Variants in GABBR2 observed in about 807,000 individuals in gnomAD.
GABBR2 encodes gamma-aminobutyric acid type B receptor subunit 2, also known as G-protein coupled receptor 51.
Under a neutral mutation model 105.6 loss-of-function variants are expected in GABBR2, and 23 were observed. That is an observed-to-expected ratio of 0.22 (90% CI 0.16 to 0.31). GABBR2 has a LOEUF of 0.31. Among genes scored for constraint, GABBR2 ranks in the 10% least tolerant of loss-of-function variants. The pLI is 1.00. For synonymous variants in GABBR2, 478 were observed against 499.7 expected, an observed-to-expected ratio of 0.96 and a Z score of 0.58; for missense variants, 734 against 1,245.5, an observed-to-expected ratio of 0.59 and a Z score of 6.18.
At chr9:98,488,660 A>G (rs979043566) in intron 4 of GABBR2, among the ~76,000 whole-genome samples, 1 of 151,932 alleles carries the variant, frequency 6.6e-6, no homozygotes, top group Non-Finnish European at 1.5e-5. Context: ...TCCTCCACTT[A>G]AGGCAAGTAA....
At chr9:98,616,746 C>T (rs1214698700) in intron 1 of GABBR2, among the ~76,000 whole-genome samples, 7 of 79,544 alleles carry the variant, frequency 8.8e-5, no homozygotes, top group Admixed American at 3.3e-4. Flanking sequence ...AGTGAGACTC[C>T]GTCTCAAAAA....
At chr9:98,533,617 A>G (rs1828111821) in intron 3 of GABBR2, among the ~76,000 whole-genome samples, 1 of 152,208 alleles carries the variant, frequency 6.6e-6, no homozygotes, top group Non-Finnish European at 1.5e-5. Context: ...GCTCTCATTC[A>G]TCATCTCATC....
chr9:98,466,209 A>AT (rs1323656426), intron 6 of GABBR2, among the ~76,000 whole-genome samples: 3 of 152,328 alleles, frequency 2.0e-5, no homozygotes, highest in African/African-American at 7.2e-5. Context: ...GTGTCTCTTT[A>AT]TAACAGTGTG....
chr9:98,648,128 G>GTGTGTGTGTGTGTGTGT (rs1271189831), intron 1 of GABBR2, among the ~76,000 whole-genome samples: 2 of 72,238 alleles, frequency 2.8e-5, no homozygotes, highest in Non-Finnish European at 6.0e-5. Flanking sequence ...TAGATAGATA[G>GTGTGTGTGTGTGTGTGT]ATAGATAGAT....
rs551501257 is a variant in GABBR2, at chr9:98,599,613, C to T, written c.322-21541G>A. Among the ~76,000 whole-genome samples the T allele has an allele frequency of 4.0e-3, 617 of 152,372 alleles. 6 individuals carry two copies. The highest frequency in any genetic ancestry group is 3.8e-3 in the Non-Finnish European group (261 of 68,040). On this transcript the variant is annotated intron_variant, in intron 1 of 18. Transcript: ENST00000259455. ...CCCAGGCTGAGGGGGCCACCTCTGT[C>T]CTACGGAGCATGTGGCCCCAGGCCC...
At chr9:98,482,079 G>A (rs552030720) in intron 4 of GABBR2, among the ~76,000 whole-genome samples, 10 of 152,284 alleles carry the variant, frequency 6.6e-5, no homozygotes, top group South Asian at 2.1e-4. Context: ...CATCCCAGCC[G>A]CTTCCTGCCC....
At chr9:98,369,208 G>A (rs1034561853) in intron 12 of GABBR2, among the ~76,000 whole-genome samples, 1 of 152,214 alleles carries the variant, frequency 6.6e-6, no homozygotes, top group African/African-American at 2.4e-5. Flanking sequence ...GGGGCCCAGA[G>A]ACGGCCCCTC....
intron 1 of GABBR2, among the ~76,000 whole-genome samples, chr9:98,648,078 A>AGGGTGT (rs1554723432): frequency 6.4e-4 from 19 of 29,748 alleles, no homozygotes; most frequent in East Asian, 5.1e-3. Context: ...TTAATCATAC[A>AGGGTGT]GGGTGTGTGT....
intron 6 of GABBR2, among the ~76,000 whole-genome samples, chr9:98,467,068 C>A (rs957602314): frequency 2.5e-4 from 38 of 152,170 alleles, no homozygotes; most frequent in African/African-American, 9.2e-4. Context: ...TCTAGAAGTC[C>A]CACATAACAC....
intron 9 of GABBR2, among the ~76,000 whole-genome samples, 179 bp downstream of exon 9, chr9:98,393,996 G>C (rs993335116): frequency 1.3e-5 from 2 of 152,224 alleles, no homozygotes; most frequent in Admixed American, 6.5e-5. Flanking sequence ...CCCATGCCAG[G>C]TGCTGGAGCC....
chr9:98,700,530 C>G (rs1251338285), intron 1 of GABBR2, among the ~76,000 whole-genome samples: 1 of 152,188 alleles, frequency 6.6e-6, no homozygotes, highest in African/African-American at 2.4e-5. Context: ...CGTCTCCTTC[C>G]ACAGGTGTCA....
At chr9:98,537,070 G>A (rs1302080111) in intron 3 of GABBR2, among the ~76,000 whole-genome samples, 2 of 152,142 alleles carry the variant, frequency 1.3e-5, no homozygotes, top group Non-Finnish European at 2.9e-5. Flanking sequence ...CAACGCTGGC[G>A]ACACACTGAA....
intron 3 of GABBR2, among the ~76,000 whole-genome samples, chr9:98,507,647 G>A (rs1827540928): frequency 1.3e-5 from 2 of 152,206 alleles, no homozygotes; most frequent in Non-Finnish European, 1.5e-5. Context: ...TTCACCCTGA[G>A]ATCCCATACA....
At chr9:98,343,432 T>C (rs528804239) in intron 13 of GABBR2, among the ~76,000 whole-genome samples, 11 of 152,194 alleles carry the variant, frequency 7.2e-5, no homozygotes, top group African/African-American at 2.4e-4. Flanking sequence ...AATGGTCAGG[T>C]GGAGGTGTAA....
intron 14 of GABBR2, among the ~76,000 whole-genome samples, chr9:98,308,579 A>G (rs1363835034): frequency 6.6e-6 from 1 of 152,246 alleles, no homozygotes; most frequent in African/African-American, 2.4e-5. Flanking sequence ...AAATCCAATG[A>G]TAAGTGTCCT....
At chr9:98,555,375 A>T (rs1420746847) in intron 2 of GABBR2, among the ~76,000 whole-genome samples, 3 of 152,214 alleles carry the variant, frequency 2.0e-5, no homozygotes, top group African/African-American at 7.2e-5. Context: ...CTATTATTTT[A>T]AAATGGTTTG....
intron 1 of GABBR2, among the ~76,000 whole-genome samples, chr9:98,585,240 C>A (rs917844521): frequency 1.3e-5 from 2 of 152,060 alleles, no homozygotes; most frequent in African/African-American, 4.8e-5. Flanking sequence ...TGGAACCAAC[C>A]TAAATGTCCA....
intron 5 of GABBR2, among the ~76,000 whole-genome samples, chr9:98,476,892 A>T (rs1434110978): frequency 1.3e-5 from 2 of 152,228 alleles, no homozygotes; most frequent in African/African-American, 2.4e-5. Context: ...GCATATTTGT[A>T]GAGCAAAAGC....
chr9:98,387,250 A>C (rs1832089711), intron 10 of GABBR2, among the ~76,000 whole-genome samples: 3 of 152,220 alleles, frequency 2.0e-5, no homozygotes, highest in African/African-American at 7.2e-5. Flanking sequence ...AAAACAAAAC[A>C]AAAAACTTCA....
Sources: gnomAD v4.1 joint callset for allele counts (sites outside exome capture counted in the v4.1 genomes callset) on GRCh38, gnomAD v4.1.1 for gene constraint, MANE v1.5 for transcripts, NCBI Gene and HGNC (gene_info 2026-07-23, HGNC 2026-07-21) for gene names.